The following RHOC variants were observed in gnomAD, a reference collection of about 807,000 sequenced individuals.
RHOC encodes rho-related GTP-binding protein RhoC.
In RHOC, 13 loss-of-function variants were observed where a neutral mutation model predicts 19.5. That is an observed-to-expected ratio of 0.67 (90% confidence interval 0.43 to 1.06). The LOEUF is 1.06. Among genes scored for constraint, RHOC ranks in the 50% least tolerant of loss-of-function variants. The pLI is 0.00. For missense variants in RHOC, 173 were observed against 256.9 expected, an observed-to-expected ratio of 0.67 and a Z score of 2.23; for synonymous variants, 106 against 97.3, an observed-to-expected ratio of 1.09 and a Z score of -0.52.
rs559068655 is a variant in RHOC, at chr1:112,703,419, C to A, written c.156+225G>T. ...ATTTTGCAGGTGGGGGAGCTTAAAC[C>A]CAGAGGCAAAGGGACTCGGCCCAGG... On this transcript the variant is annotated intron_variant, in intron 3 of 5. Transcript: ENST00000339083. The A allele has an allele frequency of 1.2e-3, 885 of 719,056 alleles. 4 individuals are homozygous for A. The highest frequency in any genetic ancestry group is 1.9e-3 in the Non-Finnish European group (764 of 401,692). The allele number at this position is 719,056 out of a possible 1,614,324, so 44.5% of individuals were successfully genotyped here. A position where few individuals can be genotyped will look rare whatever the true frequency, so the allele number is the denominator to read the frequency against.
intron 1 of RHOC, chr1:112,706,799 C>T (rs921329960): frequency 2.6e-5 from 4 of 151,946 alleles, no homozygotes; most frequent in Non-Finnish European, 5.9e-5. Flanking sequence ...TTCCGGGAAG[C>T]TGGGAGGAGA....
Position 112,701,392 on chromosome 1 carries a change from T to C in RHOC, c.*148A>G. 1 of 1,551,228 alleles carries C rather than the reference T, an allele frequency of 6.4e-7. No individual in the cohort carries two copies. The highest frequency in any genetic ancestry group is 8.7e-7 in the Non-Finnish European group (1 of 1,147,124). ...GGGAGGGAGGGCCCGTGCCACCACC[T>C]CGGGGCTAGAAAACAATGCAGTCCT... is the stretch of plus-strand genomic sequence containing the variant. On this transcript the variant is annotated 3_prime_UTR_variant, in exon 6 of 6. Coordinates refer to ENST00000339083, the MANE Select transcript of RHOC (RefSeq NM_175744.5).
chr1:112,704,761 C>G (rs1369258065), intron 2 of RHOC: 2 of 277,636 alleles, frequency 7.2e-6, no homozygotes, highest in Non-Finnish European at 1.4e-5. Flanking sequence ...AGGCTGCCTT[C>G]CTCCCCCCTT....
At position 112,705,107 on chromosome 1, in the gene RHOC, C is replaced by T. The variant is rs1161986490; in HGVS notation, c.-15G>A. ...CTGGGGAGGGGAACTGACCTCCAGC[C>T]GGCTGAAGTTCCCAGGCTGCAGGAA... is the stretch of plus-strand genomic sequence containing the variant. On this transcript the variant is annotated 5_prime_UTR_variant, in exon 2 of 6. Transcript: ENST00000339083. 3 of 702,422 alleles carry T rather than the reference C, an allele frequency of 4.3e-6. No individual in the cohort carries two copies. Among genetic ancestry groups the T allele is most frequent in the East Asian group, 2.7e-5 (1 of 37,280 alleles). The allele number at this position is 702,422 out of a possible 1,614,324, so 43.5% of individuals were successfully genotyped here.
intron 3 of RHOC, 130 bp from the exon 4 acceptor site, chr1:112,703,249 T>C (rs1454847739): frequency 1.0e-6 from 1 of 971,406 alleles, no homozygotes; most frequent in Non-Finnish European, 1.5e-6. Context: ...CCAGGCATTA[T>C]ATTAATCACT....
chr1:112,705,789 G>A (rs1020063907), intron 1 of RHOC: 4 of 409,536 alleles, frequency 9.8e-6, no homozygotes, highest in Non-Finnish European at 2.0e-5. Context: ...AGTGTTGATG[G>A]AGGGCAATCA....
At chr1:112,702,517 A>G in intron 5 of RHOC, 46 bp downstream of exon 5, 2 of 1,605,616 alleles carry the variant, frequency 1.2e-6, no homozygotes, top group African/African-American at 1.3e-5. Context: ...AACCCCTCAG[A>G]GGGTGCATTC....
At chr1:112,703,151 G>A (rs1553189530) in intron 3 of RHOC, 32 bp from the exon 4 acceptor site, 2 of 1,612,182 alleles carry the variant, frequency 1.2e-6, no homozygotes, top group African/African-American at 1.3e-5. Context: ...TAGCTGGCCT[G>A]AGGGCCCCAA....
intron 1 of RHOC, chr1:112,705,386 C>T (rs1485350192): frequency 9.8e-6 from 6 of 610,436 alleles, no homozygotes; most frequent in Non-Finnish European, 1.5e-5. Context: ...CACCACCTCA[C>T]ACTGCCCTTT....
intron 3 of RHOC, 160 bp from the exon 4 acceptor site, chr1:112,703,279 G>T: frequency 1.2e-6 from 1 of 830,568 alleles, no homozygotes; most frequent in Non-Finnish European, 1.9e-6. Flanking sequence ...CATAAATTAG[G>T]TCAGTTTGTT....
chr1:112,701,977 TG>T (rs1674658014), intron 5 of RHOC, among the ~76,000 whole-genome samples: 1 of 152,164 alleles, frequency 6.6e-6, no homozygotes, highest in Admixed American at 6.5e-5. Flanking sequence ...TCCCACCTCC[TG>T]ACTGCTCTGC....
chr1:112,705,653 G>A, intron 1 of RHOC: 1 of 456,838 alleles, frequency 2.2e-6, no homozygotes, highest in Non-Finnish European at 4.4e-6. Context: ...CCAAAAAGAG[G>A]GTTCCTTGGG....
intron 5 of RHOC, 114 bp downstream of exon 5, chr1:112,702,449 T>C: frequency 1.7e-6 from 2 of 1,155,414 alleles, no homozygotes; most frequent in South Asian, 1.4e-5. Flanking sequence ...CCAGGAGATA[T>C]TACTGTTTCC....
At position 112,703,771 on chromosome 1, in the gene RHOC, A is replaced by T; in HGVS notation, c.29T>A (p.Ile10Asn). 2 of 1,612,616 alleles carry T rather than the reference A, an allele frequency of 1.2e-6. No homozygotes were observed. The highest frequency in any genetic ancestry group is 2.2e-5 in the South Asian group (2 of 90,336). MAAIRKKLV[I>N]VGDGACGKTC... ...CTTCCCACAGGCACCATCCCCAACG[A>T]TCACCAGCTTCTTTCGGATTGCAGC... The change falls in exon 3 of 6, where the codon ATC becomes AAC. Residue 10 changes from isoleucine (I) to asparagine (N), a missense_variant. This residue lies in a region of RHOC where 92 missense variants were observed against 171.1 expected (regional missense o/e 0.54). Coordinates refer to ENST00000339083, the MANE Select transcript of RHOC (RefSeq NM_175744.5).
chr1:112,701,465 G>A lies in RHOC; in HGVS notation c.*75C>T. On this transcript the variant is annotated 3_prime_UTR_variant, in exon 6 of 6. Coordinates refer to ENST00000339083, the MANE Select transcript of RHOC (RefSeq NM_175744.5). ...GGAGCCTTCAGCATGGAGCCCTCAG[G>A]AGGCTGGGGTTGTAGGGGGATAATT... 6.2e-7 allele frequency: 1 copy of A among 1,613,788 alleles called. No individual in the cohort carries two copies.
chr1:112,703,854 A>C (rs1674749590), intron 2 of RHOC, 48 bp from the exon 3 acceptor site: 1 of 1,557,814 alleles, frequency 6.4e-7, no homozygotes, highest in Admixed American at 1.9e-5. Flanking sequence ...CATTAAGTCC[A>C]AAAACACTTC....
chr1:112,703,748 T>A lies in RHOC; in HGVS notation c.52A>T (p.Lys18Ter), dbSNP rs1674744703. ...CTGAAGACGATGAGGAGGCAGGTCT[T>A]CCCACAGGCACCATCCCCAACGATC... ...LVIVGDGACG[K>*]TCLLIVFSKD... The change falls in exon 3 of 6, where the codon AAG (lysine) becomes TAG (stop). Residue 18 changes from lysine (K) to a stop codon, truncating the protein, a stop_gained. Transcript: ENST00000339083. LOFTEE classifies it high-confidence loss of function. 1 of 1,613,056 alleles carries A rather than the reference T, an allele frequency of 6.2e-7. No homozygotes were observed. Among genetic ancestry groups the A allele is most frequent in the African/African-American group, 1.3e-5 (1 of 74,988 alleles).
Position 112,701,723 on chromosome 1 carries a change from C to T in RHOC, c.409-10G>A. 1 of 1,613,616 alleles carries T rather than the reference C, an allele frequency of 6.2e-7. No homozygotes were observed. Among genetic ancestry groups the T allele is most frequent in the South Asian group, 1.1e-5 (1 of 91,076 alleles). On this transcript the variant is annotated splice_polypyrimidine_tract_variant and intron_variant, in intron 5 of 5. Transcript: ENST00000339083. ...CAGACCGAACGGGCTCCTGAGAAGACATAAGATGAGGGGTCAAAGGAAGCT... is the reference window on the plus strand; with the variant it reads ...CAGACCGAACGGGCTCCTGAGAAGATATAAGATGAGGGGTCAAAGGAAGCT...
At position 112,701,707 on chromosome 1, in the gene RHOC, C is replaced by CG. The variant is rs1429307544; in HGVS notation, c.414dup (p.Val139ArgfsTer4). On this transcript the variant is annotated frameshift_variant, in exon 6 of 6. Coordinates refer to ENST00000339083, the MANE Select transcript of RHOC (RefSeq NM_175744.5). LOFTEE classifies it high-confidence loss of function. ...ATGTCCCGGCCTTCCTCAGACCGAA[C>CG]GGGCTCCTGAGAAGACATAAGATGA... is the stretch of plus-strand genomic sequence containing the variant. 5 of 1,613,744 alleles carry CG rather than the reference C, an allele frequency of 3.1e-6. No individual in the cohort carries two copies. Among genetic ancestry groups the CG allele is most frequent in the Non-Finnish European group, 3.4e-6 (4 of 1,180,010 alleles).
Sources: gnomAD v4.1 joint callset for allele counts (sites outside exome capture counted in the v4.1 genomes callset) on GRCh38, gnomAD v4.1.1 for gene constraint, gnomAD v4.1.1 regional missense constraint, MANE v1.5 for transcripts, NCBI Gene and HGNC (gene_info 2026-07-23, HGNC 2026-07-21) for gene names.